The following CRYBG3 variants were observed in gnomAD, a reference collection of about 807,000 sequenced individuals.
The protein encoded by CRYBG3 is very large A-kinase anchor protein.
CRYBG3 carries 127 observed loss-of-function variants against 244.2 expected under a neutral mutation model. The observed-to-expected ratio is 0.52, with a 90% CI of 0.45 to 0.60. The LOEUF is 0.60. Ranked by LOEUF, CRYBG3 falls within the 20% of genes least tolerant of loss-of-function variation. The probability of loss-of-function intolerance (pLI) is 0.00; values close to 1 mark genes in which losing one functional copy is unlikely to be tolerated. For synonymous variants in CRYBG3, 1,132 were observed against 1,195.8 expected, an observed-to-expected ratio of 0.95 and a Z score of 1.10; for missense variants, 3,325 against 3,442.5, an observed-to-expected ratio of 0.97 and a Z score of 0.85.
At position 97,852,787 on chromosome 3, in the gene CRYBG3, C is replaced by T. The variant is rs541218998; in HGVS notation, c.216+9526C>T. Reference sequence around the variant, plus strand: ...CATAATGATTGTACCAGTTTATATTCGCACCAACAGTGTATAACAGTTCCC... The same window carrying T: ...CATAATGATTGTACCAGTTTATATTTGCACCAACAGTGTATAACAGTTCCC... On this transcript the variant is annotated intron_variant, in intron 2 of 21. Transcript: ENST00000389622. 2.6e-5 allele frequency among the ~76,000 whole-genome samples: 4 copies of T among 152,172 alleles called. No homozygotes were observed. In the East Asian group the frequency reaches 7.7e-4, roughly 29 times the overall value.
At chr3:97,896,251 T>G (rs2108236750) in intron 12 of CRYBG3, among the ~76,000 whole-genome samples, 166 bp downstream of exon 12, 1 of 152,170 alleles carries the variant, frequency 6.6e-6, no homozygotes, top group South Asian at 2.1e-4. Context: ...CTGCCATGAT[T>G]ATTATGGAAT....
In CRYBG3 at chr3:97,875,594, A is replaced by T. The variant is rs2039361650; in HGVS notation, c.4400A>T (p.Glu1467Val). 2 of 1,237,276 alleles carry T rather than the reference A, an allele frequency of 1.6e-6. No individual in the cohort carries two copies. Among genetic ancestry groups the T allele is most frequent in the Non-Finnish European group, 1.0e-6 (1 of 991,742 alleles). The allele number at this position is 1,237,276 out of a possible 1,614,324, so 76.6% of individuals were successfully genotyped here. Residue 1467 changes from glutamate to valine, a missense_variant, in exon 4 of 22, where the codon GAG becomes GTG. Glu to Val is a moderately radical substitution (Grantham distance 121). Coordinates refer to ENST00000389622, the MANE Select transcript of CRYBG3 (RefSeq NM_153605.4). ...ENVDNNKTET[E>V]DRRTLVLNFK... ...GTGGATAATAACAAAACTGAGACAGAGGACAGAAGAACTCTTGTATTAAAT... is the reference window on the plus strand; with the variant it reads ...GTGGATAATAACAAAACTGAGACAGTGGACAGAAGAACTCTTGTATTAAAT...
At chr3:97,882,620 A>G (rs1176322596) in intron 7 of CRYBG3, among the ~76,000 whole-genome samples, 1 of 152,184 alleles carries the variant, frequency 6.6e-6, no homozygotes, top group Non-Finnish European at 1.5e-5. Flanking sequence ...AATATGTGAT[A>G]CAGTACAGTT....
chr3:97,935,738 C>A (rs1559748871), intron 18 of CRYBG3, among the ~76,000 whole-genome samples: 1 of 152,032 alleles, frequency 6.6e-6, no homozygotes, highest in Non-Finnish European at 1.5e-5. Context: ...TAGCTTGTGT[C>A]CTAAGCCCTG....
intron 17 of CRYBG3, among the ~76,000 whole-genome samples, chr3:97,924,936 C>T (rs1025722661): frequency 4.6e-5 from 7 of 151,986 alleles, no homozygotes; most frequent in African/African-American, 1.4e-4. Flanking sequence ...ATTCAGACTG[C>T]CACAGCAAGC....
chr3:97,895,018 C>T (rs1007476650), intron 11 of CRYBG3, among the ~76,000 whole-genome samples: 6 of 152,246 alleles, frequency 3.9e-5, no homozygotes, highest in African/African-American at 1.4e-4. Context: ...ACCTTCACAA[C>T]CACAGTAGGA....
intron 2 of CRYBG3, among the ~76,000 whole-genome samples, chr3:97,851,222 G>T (rs975732478): frequency 6.6e-6 from 1 of 151,840 alleles, no homozygotes; most frequent in African/African-American, 2.4e-5. Flanking sequence ...TCTCAAAATT[G>T]TGAATTTCAA....
Position 97,822,462 on chromosome 3 carries a change from C to G in CRYBG3, c.149+107C>G. 5.6e-6 allele frequency: 6 copies of G among 1,080,122 alleles called. No individual in the cohort carries two copies. The South Asian group carries it at 1.1e-4, about 20-fold the overall frequency. 66.9% of individuals were successfully genotyped at this position (1,080,122 alleles called of 1,614,324 possible). ...GCCGCTCTTGGGCCAGGCTGCAGTT[C>G]GCTCGCCACTTTCTGTTCTCCTTCC... On this transcript the variant is annotated intron_variant, in intron 1 of 21. Coordinates refer to ENST00000389622, the MANE Select transcript of CRYBG3 (RefSeq NM_153605.4).
intron 3 of CRYBG3, among the ~76,000 whole-genome samples, chr3:97,870,715 A>G (rs1157264632): frequency 6.6e-6 from 1 of 152,192 alleles, no homozygotes; most frequent in Admixed American, 6.5e-5. Context: ...TAGATTACTT[A>G]GCAGTAAGTA....
intron 17 of CRYBG3, among the ~76,000 whole-genome samples, chr3:97,928,119 A>G (rs1385835287): frequency 6.6e-6 from 1 of 152,070 alleles, no homozygotes; most frequent in Non-Finnish European, 1.5e-5. Flanking sequence ...GGGCAGCACT[A>G]TTCACAATAG....
At position 97,880,047 on chromosome 3, in the gene CRYBG3, T is replaced by TGCTA; in HGVS notation, c.6952_6955dup (p.Thr2319SerfsTer23). The TGCTA allele has an allele frequency of 6.2e-7, 1 of 1,603,910 alleles. No individual in the cohort carries two copies. The highest frequency in any genetic ancestry group is 8.5e-7 in the Non-Finnish European group (1 of 1,173,320). The stretch of plus-strand genomic sequence containing the variant: ...AAGAAGTCTACTGTAATATTCCTGA[T>TGCTA]GCTACATCATGGTCTTTTCCAAATG... On this transcript the variant is annotated frameshift_variant, in exon 6 of 22. Transcript: ENST00000389622. LOFTEE classifies it high-confidence loss of function.
intron 3 of CRYBG3, among the ~76,000 whole-genome samples, chr3:97,865,447 T>C (rs1396733941): frequency 1.3e-5 from 2 of 152,210 alleles, no homozygotes; most frequent in Non-Finnish European, 2.9e-5. Context: ...AGTTTCCAGG[T>C]GTCTTCATGT....
chr3:97,822,384 G>C (rs1387533888), intron 1 of CRYBG3, 29 bp downstream of exon 1: 51 of 1,445,800 alleles, frequency 3.5e-5, no homozygotes, highest in Non-Finnish European at 4.4e-5. Flanking sequence ...GTCGCGGGGG[G>C]GCCCTGCACA....
intron 14 of CRYBG3, 88 bp from the exon 15 acceptor site, chr3:97,900,365 A>C: frequency 1.2e-6 from 1 of 847,826 alleles, no homozygotes; most frequent in Non-Finnish European, 1.9e-6. Flanking sequence ...AAAAGAAAAA[A>C]AAATTTTTTT....
chr3:97,915,505 C>A (rs1414474596), intron 16 of CRYBG3, 105 bp from the exon 17 acceptor site: 6 of 1,211,956 alleles, frequency 5.0e-6, no homozygotes, highest in Non-Finnish European at 6.8e-6. Context: ...GTGCTCTGCA[C>A]CACTTTCTAT....
chr3:97,934,932 T>G (rs2040144130), intron 18 of CRYBG3, among the ~76,000 whole-genome samples: 1 of 152,096 alleles, frequency 6.6e-6, no homozygotes, highest in South Asian at 2.1e-4. Context: ...TATTTCATTT[T>G]TTTCTGGAAC....
chr3:97,874,789 A>C lies in CRYBG3; in HGVS notation c.3595A>C (p.Lys1199Gln). The change falls in exon 4 of 22, where the codon AAG becomes CAG. Residue 1199 changes from lysine to glutamine, a missense_variant. Coordinates refer to ENST00000389622, the MANE Select transcript of CRYBG3 (RefSeq NM_153605.4). ...LLDLKSSLLK[K>Q]ADTLIGEIFN... Reference sequence around the variant, plus strand: ...GGACCTCAAAAGTAGTTTACTCAAAAAGGCCGATACATTGATTGGTGAGAT... The same window carrying C: ...GGACCTCAAAAGTAGTTTACTCAAACAGGCCGATACATTGATTGGTGAGAT... The C allele has an allele frequency of 6.5e-7, 1 of 1,536,094 alleles. No homozygotes were observed. Among genetic ancestry groups the C allele is most frequent in the Non-Finnish European group, 8.7e-7 (1 of 1,146,888 alleles).
At chr3:97,822,391 C>T (rs1320519503) in intron 1 of CRYBG3, 36 bp downstream of exon 1, 6 of 1,434,714 alleles carry the variant, frequency 4.2e-6, no homozygotes, top group Non-Finnish European at 5.5e-6. Context: ...GGGGGCCCTG[C>T]ACATATTCGC....
rs188600154 is a variant in CRYBG3 at position 97,865,291 on chromosome 3, A to G, written c.647+644A>G. Among the ~76,000 whole-genome samples, 5 of 152,320 alleles carry G rather than the reference A, an allele frequency of 3.3e-5. No homozygotes were observed. In the East Asian group the frequency reaches 5.8e-4, roughly 18 times the overall value. The stretch of plus-strand genomic sequence containing the variant: ...GTGTGACATAAAAGTATTCATTTGT[A>G]ACTAGTAAGGTTCTGTTTTATTGAT... On this transcript the variant is annotated intron_variant, in intron 3 of 21. Coordinates refer to ENST00000389622, the MANE Select transcript of CRYBG3 (RefSeq NM_153605.4).
Sources: allele counts gnomAD v4.1 joint callset (sites outside exome capture counted in the v4.1 genomes callset), GRCh38; gene constraint gnomAD v4.1.1; transcripts MANE v1.5; gene names NCBI Gene and HGNC (gene_info 2026-07-23, HGNC 2026-07-21).